The following ATG3 variants were observed in gnomAD, a reference collection of about 807,000 sequenced individuals.
The protein encoded by ATG3 is ubiquitin-like-conjugating enzyme ATG3.
Under a neutral mutation model 50.7 loss-of-function variants are expected in ATG3, and 25 were observed. The observed-to-expected ratio is 0.49, with a 90% confidence interval of 0.36 to 0.69. ATG3 has a LOEUF of 0.69. Among genes scored for constraint, ATG3 ranks in the 30% least tolerant of loss-of-function variants. The pLI, the probability that ATG3 is intolerant of heterozygous loss-of-function variation, is 0.00. For missense variants in ATG3, 281 were observed against 376.0 expected (o/e 0.75, Z 2.09); for synonymous variants, 119 against 125.5 (o/e 0.95, Z 0.34).
intron 7 of ATG3, among the ~76,000 whole-genome samples, chr3:112,538,818 G>T (rs753076634): frequency 3.3e-5 from 5 of 152,072 alleles, no homozygotes; most frequent in Admixed American, 2.0e-4. Context: ...CCCTGCCTGC[G>T]GACTTGGATT....
chr3:112,556,505 A>G (rs563128273), intron 2 of ATG3, among the ~76,000 whole-genome samples: 2 of 152,130 alleles, frequency 1.3e-5, no homozygotes, highest in African/African-American at 4.8e-5. Context: ...CTGCCCGGCC[A>G]CCACCCCGTC....
At chr3:112,556,067 AT>A (rs1336010517) in intron 2 of ATG3, among the ~76,000 whole-genome samples, 2 of 142,868 alleles carry the variant, frequency 1.4e-5, no homozygotes, top group Non-Finnish European at 1.5e-5. Flanking sequence ...CCATGTTCAA[AT>A]TACACCTCTG....
chr3:112,561,582 T>C lies in ATG3; in HGVS notation c.-54A>G. Reference sequence around the variant, plus strand: ...CGACGGGATGGAAAGTGCAGCCGTGTCAGGGGCCAGGGAGTCAGAAAATGT... The same window carrying C: ...CGACGGGATGGAAAGTGCAGCCGTGCCAGGGGCCAGGGAGTCAGAAAATGT... On this transcript the variant is annotated 5_prime_UTR_variant, in exon 1 of 12. Coordinates refer to ENST00000283290, the MANE Select transcript of ATG3 (RefSeq NM_022488.5). The C allele has an allele frequency of 6.4e-7, 1 of 1,564,820 alleles. No homozygotes were observed. The highest frequency in any genetic ancestry group is 8.7e-7 in the Non-Finnish European group (1 of 1,149,382).
intron 3 of ATG3, among the ~76,000 whole-genome samples, chr3:112,552,625 T>TAA (rs1215381197): frequency 7.0e-6 from 1 of 142,804 alleles, no homozygotes; most frequent in Non-Finnish European, 1.5e-5. Context: ...TTTGTTAATT[T>TAA]AAAAAAAAAA....
chr3:112,541,973 G>T, intron 6 of ATG3, 89 bp from the exon 7 acceptor site: 1 of 942,848 alleles, frequency 1.1e-6, no homozygotes, highest in Non-Finnish European at 1.6e-6. Flanking sequence ...GGTAACCACT[G>T]TGAAAATAAG....
Position 112,561,665 on chromosome 3 carries a change from G to T in ATG3, c.-137C>A. The T allele has an allele frequency of 1.2e-6, 1 of 859,816 alleles. No homozygotes were observed. The highest frequency in any genetic ancestry group is 1.8e-6 in the Non-Finnish European group (1 of 565,718). 53.3% of individuals were successfully genotyped at this position (859,816 alleles called of 1,614,324 possible). A position where few individuals can be genotyped will look rare whatever the true frequency, so the allele number is the denominator to read the frequency against. On this transcript the variant is annotated 5_prime_UTR_variant, in exon 1 of 12. Coordinates refer to ENST00000283290, the MANE Select transcript of ATG3 (RefSeq NM_022488.5). ...CTGGCAGCACCCGAGGGGACGGGAC[G>T]CGACGCGACGGGACGGGCGGGACGA...
chr3:112,557,809 T>C (rs561163905), intron 2 of ATG3, among the ~76,000 whole-genome samples: 1 of 151,326 alleles, frequency 6.6e-6, no homozygotes, highest in Admixed American at 6.6e-5. Context: ...AGTGGTGTTT[T>C]CATTGGCAGA....
At chr3:112,555,281 C>G (rs1933637543) in intron 2 of ATG3, among the ~76,000 whole-genome samples, 1 of 152,170 alleles carries the variant, frequency 6.6e-6, no homozygotes, top group Admixed American at 6.5e-5. Flanking sequence ...CAATGGCCAT[C>G]ATAACTTGCT....
Position 112,536,470 on chromosome 3 carries a change from C to T in ATG3, c.794+5G>A. On this transcript the variant is annotated splice_donor_5th_base_variant and intron_variant, in intron 10 of 11. Transcript: ENST00000283290. ...AAAAATATATTTATCTCTACATATA[C>T]AGACCTGCATGGGTGAACTGAACAC... 1 of 1,612,402 alleles carries T rather than the reference C, an allele frequency of 6.2e-7. No homozygotes were observed. Among genetic ancestry groups the T allele is most frequent in the Non-Finnish European group, 8.5e-7 (1 of 1,178,542 alleles).
intron 1 of ATG3, among the ~76,000 whole-genome samples, chr3:112,560,091 T>C (rs568424613): frequency 6.6e-6 from 1 of 152,220 alleles, no homozygotes; most frequent in South Asian, 2.1e-4. Context: ...GGTGAGCAAG[T>C]ATGATGGACT....
chr3:112,537,738 A>T lies in ATG3; in HGVS notation c.663T>A (p.Asp221Glu). The change falls in exon 9 of 12, where the codon GAT becomes GAA. Residue 221 changes from aspartate (D) to glutamate (E), a missense_variant. By Grantham distance (45) the Asp-to-Glu change is conservative. Around this residue, in one of 3 missense-constraint regions of ATG3, gnomAD observed 242 missense variants for 305.0 expected, o/e 0.79. Coordinates refer to ENST00000283290, the MANE Select transcript of ATG3 (RefSeq NM_022488.5). ...QTPRLWLFGY[D>E]EQRQPLTVEH... ...ATATAATGCTTTTCATTTTTACCTC[A>T]TCATAGCCAAACAACCATAATCGTG... The T allele has an allele frequency of 6.4e-7, 1 of 1,569,784 alleles. No homozygotes were observed. Among genetic ancestry groups the T allele is most frequent in the South Asian group, 1.2e-5 (1 of 81,934 alleles).
chr3:112,547,055 T>A (rs933354176), intron 5 of ATG3, among the ~76,000 whole-genome samples: 11 of 152,148 alleles, frequency 7.2e-5, no homozygotes, highest in African/African-American at 2.4e-4. Context: ...GAAGGAACTT[T>A]TACCTGGGCA....
intron 11 of ATG3, chr3:112,534,061 C>T (rs908341426): frequency 5.9e-5 from 75 of 1,271,366 alleles, no homozygotes; most frequent in Non-Finnish European, 6.9e-5. Context: ...GCTACTGCTA[C>T]ACATGGGGAC....
At chr3:112,548,663 A>G in intron 4 of ATG3, 23 bp from the exon 5 acceptor site, 1 of 1,584,858 alleles carries the variant, frequency 6.3e-7, no homozygotes, top group East Asian at 2.2e-5. Context: ...TGGTAAATAC[A>G]GTTAACTAGC....
At chr3:112,533,444 G>A (rs1200188604) in intron 11 of ATG3, 6 of 985,264 alleles carry the variant, frequency 6.1e-6, no homozygotes, top group Non-Finnish European at 7.2e-6. Context: ...ATATGGTTTG[G>A]ACTGGAAGTT....
At position 112,561,554 on chromosome 3, in the gene ATG3, C is replaced by T. The variant is rs1352531747; in HGVS notation, c.-26G>A. On this transcript the variant is annotated 5_prime_UTR_variant, in exon 1 of 12. Transcript: ENST00000283290. ...CCTGGGGCCGGAGTAGCGGCCGGCC[C>T]CGCGACGGGATGGAAAGTGCAGCCG... 1 of 1,601,478 alleles carries T rather than the reference C, an allele frequency of 6.2e-7. No homozygotes were observed. Among genetic ancestry groups the T allele is most frequent in the African/African-American group, 1.3e-5 (1 of 74,812 alleles).
intron 2 of ATG3, 52 bp downstream of exon 2, chr3:112,558,324 A>C (rs1313477119): frequency 7.4e-7 from 1 of 1,349,972 alleles, no homozygotes; most frequent in East Asian, 2.4e-5. Context: ...AAAGCCACCT[A>C]GTTTAGTATT....
At position 112,551,659 on chromosome 3, in the gene ATG3, A is replaced by G. The variant is rs1333840001; in HGVS notation, c.165-1397T>C. On this transcript the variant is annotated intron_variant, in intron 3 of 11. Transcript: ENST00000283290. ...AAGCTGGTAGAACAAAGAAATCTCA[A>G]TGAAGAAAATGCTTATCATATAGAA... is the stretch of plus-strand genomic sequence containing the variant. Among the ~76,000 whole-genome samples the G allele has an allele frequency of 2.7e-5, 4 of 150,804 alleles. No homozygotes were observed. The East Asian group carries it at 5.8e-4, about 22-fold the overall frequency.
intron 2 of ATG3, among the ~76,000 whole-genome samples, chr3:112,557,097 A>T (rs2107391543): frequency 6.6e-6 from 1 of 151,968 alleles, no homozygotes; most frequent in East Asian, 1.9e-4. Flanking sequence ...ATGTGTCTTC[A>T]CCAAAAACAA....
Sources: allele counts gnomAD v4.1 joint callset (sites outside exome capture counted in the v4.1 genomes callset), GRCh38; gene constraint gnomAD v4.1.1; regional missense constraint gnomAD v4.1.1; transcripts MANE v1.5; gene names NCBI Gene and HGNC (gene_info 2026-07-23, HGNC 2026-07-21).